The following FAM219A variants were observed in gnomAD, a reference collection of about 807,000 sequenced individuals.
The protein encoded by FAM219A is family with sequence similarity 219 member A.
A neutral mutation model predicts 23.4 loss-of-function variants in FAM219A; 7 were observed. The observed-to-expected ratio is 0.30, with a 90% CI of 0.17 to 0.56. The LOEUF (loss-of-function observed/expected upper bound fraction) is 0.56. Ranked by LOEUF, FAM219A falls within the 20% of genes least tolerant of loss-of-function variation. The pLI, the probability that FAM219A is intolerant of heterozygous loss-of-function variation, is 0.92. For synonymous variants in FAM219A, 93 were observed against 99.0 expected (o/e 0.94, Z 0.36); for missense variants, 166 against 246.9 (o/e 0.67, Z 2.20).
At chr9:34,422,018 C>T (rs1391212153) in intron 1 of FAM219A, among the ~76,000 whole-genome samples, 2 of 152,146 alleles carry the variant, frequency 1.3e-5, no homozygotes, top group Admixed American at 1.3e-4. Context: ...AAAGAGCCCT[C>T]CACCCTGACC....
At chr9:34,416,085 A>G (rs1821990096) in intron 1 of FAM219A, among the ~76,000 whole-genome samples, 2 of 151,778 alleles carry the variant, frequency 1.3e-5, no homozygotes, top group South Asian at 4.2e-4. Context: ...GCTGAGTGGG[A>G]GGATTGCCTG....
intron 1 of FAM219A, among the ~76,000 whole-genome samples, chr9:34,450,182 G>A (rs941275057): frequency 6.6e-5 from 10 of 151,844 alleles, no homozygotes; most frequent in African/African-American, 9.7e-5. Context: ...GTATGGTGGC[G>A]CGTGAATGTA....
At position 34,398,831 on chromosome 9, in the gene FAM219A, G is replaced by A. The variant is rs1821318186; in HGVS notation, c.*2133C>T. 1.1e-5 allele frequency: 2 copies of A among 182,260 alleles called. No homozygotes were observed. Among genetic ancestry groups the A allele is most frequent in the Non-Finnish European group, 2.4e-5 (2 of 84,968 alleles). 11.3% of individuals were successfully genotyped at this position (182,260 alleles called of 1,614,324 possible). On this transcript the variant is annotated 3_prime_UTR_variant, in exon 6 of 6. Coordinates refer to ENST00000651358, the MANE Select transcript of FAM219A (RefSeq NM_001184940.2). The stretch of plus-strand genomic sequence containing the variant: ...ATGTTGATCTGGGTGGGAGAGGTGG[G>A]TTCAGATGGGGGCCAGTATGGGCCT...
At chr9:34,431,769 A>C (rs1238784287) in intron 1 of FAM219A, among the ~76,000 whole-genome samples, 1 of 152,186 alleles carries the variant, frequency 6.6e-6, no homozygotes, top group Non-Finnish European at 1.5e-5. Flanking sequence ...TCACTGTAAA[A>C]AGTCCAGATA....
intron 4 of FAM219A, 128 bp from the exon 5 acceptor site, chr9:34,401,848 G>A (rs1588028146): frequency 2.6e-5 from 26 of 1,013,980 alleles, no homozygotes; most frequent in South Asian, 3.0e-5. Context: ...ATCTCAATAC[G>A]AACTGTGCTT....
intron 1 of FAM219A, among the ~76,000 whole-genome samples, chr9:34,407,252 G>A (rs990429983): frequency 1.3e-5 from 2 of 152,084 alleles, no homozygotes; most frequent in African/African-American, 4.8e-5. Flanking sequence ...GCTATAGGAT[G>A]GGGGTCTGGC....
chr9:34,443,773 C>T (rs966329416), intron 1 of FAM219A, among the ~76,000 whole-genome samples: 1 of 152,140 alleles, frequency 6.6e-6, no homozygotes, highest in African/African-American at 2.4e-5. Context: ...TTCCCCACCC[C>T]CTCAAGCATA....
intron 5 of FAM219A, 80 bp downstream of exon 5, chr9:34,401,586 G>T: frequency 6.7e-7 from 1 of 1,489,410 alleles, no homozygotes; most frequent in Non-Finnish European, 9.2e-7. Flanking sequence ...CCTTGTACTT[G>T]GGCATTGGCC....
At chr9:34,447,823 CA>C (rs1823425019) in intron 1 of FAM219A, among the ~76,000 whole-genome samples, 1 of 151,948 alleles carries the variant, frequency 6.6e-6, no homozygotes, top group Admixed American at 6.6e-5. Flanking sequence ...TATATTAATT[CA>C]ATACTTCAGA....
Position 34,399,664 on chromosome 9 carries a change from CTCTT to C in FAM219A, c.*1296_*1299del, listed in dbSNP as rs1821352028. On this transcript the variant is annotated 3_prime_UTR_variant, in exon 6 of 6. Transcript: ENST00000651358. Reference sequence around the variant, plus strand: ...CACCACAGAAATTTCTATGAAGAAACTCTTTCAGGTATAAAAGGATCTTCAACAT... The same window carrying C: ...CACCACAGAAATTTCTATGAAGAAACTCAGGTATAAAAGGATCTTCAACAT... 6.6e-6 allele frequency: 1 copy of C among 152,150 alleles called. No individual in the cohort carries two copies. Among genetic ancestry groups the C allele is most frequent in the African/African-American group, 2.4e-5 (1 of 41,420 alleles). The allele number at this position is 152,150 out of a possible 1,614,324, so 9.4% of individuals were successfully genotyped here.
chr9:34,400,630 A>C lies in FAM219A; in HGVS notation c.*334T>G. ...TGGCTTTGTGATCCCCCCACTCGTT[A>C]ATGTTGACCTCCCTGCCGTCCAGTC... On this transcript the variant is annotated 3_prime_UTR_variant, in exon 6 of 6. Coordinates refer to ENST00000651358, the MANE Select transcript of FAM219A (RefSeq NM_001184940.2). 4.7e-6 allele frequency: 1 copy of C among 214,602 alleles called. No homozygotes were observed. The highest frequency in any genetic ancestry group is 9.2e-6 in the Non-Finnish European group (1 of 108,938). The allele number at this position is 214,602 out of a possible 1,614,324, so 13.3% of individuals were successfully genotyped here. A position where few individuals can be genotyped will look rare whatever the true frequency, so the allele number is the denominator to read the frequency against.
At chr9:34,448,564 G>T (rs1466857859) in intron 1 of FAM219A, among the ~76,000 whole-genome samples, 1 of 152,228 alleles carries the variant, frequency 6.6e-6, no homozygotes, top group Admixed American at 6.5e-5. Context: ...AATGTTTCTT[G>T]AGCTGTTGTG....
At chr9:34,421,925 G>A (rs1459836901) in intron 1 of FAM219A, among the ~76,000 whole-genome samples, 1 of 152,202 alleles carries the variant, frequency 6.6e-6, no homozygotes, top group African/African-American at 2.4e-5. Context: ...TGGTACCAAT[G>A]CTGTTAATAC....
At chr9:34,448,844 G>A (rs1823460062) in intron 1 of FAM219A, among the ~76,000 whole-genome samples, 1 of 152,112 alleles carries the variant, frequency 6.6e-6, no homozygotes, top group Non-Finnish European at 1.5e-5. Flanking sequence ...GGGACTCACA[G>A]GGGAAGGGTG....
chr9:34,402,355 C>A, intron 4 of FAM219A, 32 bp downstream of exon 4: 1 of 1,614,186 alleles, frequency 6.2e-7, no homozygotes, highest in South Asian at 1.1e-5. Flanking sequence ...TTCCTTTGGG[C>A]TGCCCAGCTA....
chr9:34,437,494 A>G (rs1051591143), intron 1 of FAM219A, among the ~76,000 whole-genome samples: 6 of 152,274 alleles, frequency 3.9e-5, no homozygotes, highest in African/African-American at 1.4e-4. Flanking sequence ...CCGACTTAAG[A>G]GTTGAATTAA....
intron 1 of FAM219A, among the ~76,000 whole-genome samples, chr9:34,446,533 G>C (rs1384410618): frequency 6.6e-6 from 1 of 152,244 alleles, no homozygotes; most frequent in Non-Finnish European, 1.5e-5. Flanking sequence ...GCACAGAGCA[G>C]TGTGTCTTCC....
intron 1 of FAM219A, among the ~76,000 whole-genome samples, chr9:34,452,843 C>T (rs1171116634): frequency 6.6e-6 from 1 of 152,166 alleles, no homozygotes; most frequent in Admixed American, 6.5e-5. Context: ...GATGAGAGCC[C>T]TTCCTGCTTT....
intron 1 of FAM219A, among the ~76,000 whole-genome samples, chr9:34,452,047 G>C (rs1023026670): frequency 6.6e-6 from 1 of 152,150 alleles, no homozygotes; most frequent in Non-Finnish European, 1.5e-5. Flanking sequence ...AAAGCACTCA[G>C]ACAACAAAGG....
Sources: allele counts gnomAD v4.1 joint callset (sites outside exome capture counted in the v4.1 genomes callset), GRCh38; gene constraint gnomAD v4.1.1; transcripts MANE v1.5; gene names NCBI Gene and HGNC (gene_info 2026-07-23, HGNC 2026-07-21).